Variants in ATAD3A observed in about 807,000 individuals in gnomAD.
ATAD3A encodes ATPase family AAA domain-containing protein 3A.
In ATAD3A, 46 loss-of-function variants were observed where a neutral mutation model predicts 73.8. That is an observed-to-expected ratio of 0.62 (90% CI 0.49 to 0.80). The LOEUF is 0.80. Among genes scored for constraint, ATAD3A ranks in the 30% least tolerant of loss-of-function variants. ATAD3A has a pLI of 0.00. For missense variants in ATAD3A, 705 were observed against 838.0 expected, an observed-to-expected ratio of 0.84 and a Z score of 1.96; for synonymous variants, 319 against 350.0, an observed-to-expected ratio of 0.91 and a Z score of 0.99.
rs531375402 is a variant in ATAD3A at position 1,523,164 on chromosome 1, G to A, written c.906+265G>A. On this transcript the variant is annotated intron_variant, in intron 8 of 15. Coordinates refer to ENST00000378756, the MANE Select transcript of ATAD3A (RefSeq NM_001170535.3). The surrounding 1 kb of genome is among the most constrained non-coding windows in gnomAD (Gnocchi z 5.1). ...GCACATCGGGGTCCTTGCAAGACCC[G>A]GGACTTGGGTGTGCGGCCGTCTATC... Among the ~76,000 whole-genome samples, 111 of 152,084 alleles carry A rather than the reference G, an allele frequency of 7.3e-4. No homozygotes were observed. Among genetic ancestry groups the A allele is most frequent in the African/African-American group, 2.4e-3 (99 of 41,398 alleles).
intron 4 of ATAD3A, 97 bp from the exon 5 acceptor site, chr1:1,518,824 T>A: frequency 6.3e-7 from 1 of 1,586,042 alleles, no homozygotes; most frequent in East Asian, 2.3e-5. Flanking sequence ...ACGGGCACAC[T>A]CACCCCCCTG....
intron 12 of ATAD3A, among the ~76,000 whole-genome samples, 156 bp downstream of exon 12, chr1:1,525,447 C>G (rs895227594): frequency 1.4e-5 from 2 of 147,892 alleles, no homozygotes; most frequent in Admixed American, 1.4e-4. Context: ...AGAAATCTCG[C>G]TCTATCACCC....
intron 1 of ATAD3A, among the ~76,000 whole-genome samples, chr1:1,513,567 G>A (rs1641265976): frequency 6.6e-6 from 1 of 152,066 alleles, no homozygotes; most frequent in Admixed American, 6.5e-5. Flanking sequence ...GGTGCACCGT[G>A]GGGAGCCCTC....
intron 15 of ATAD3A, among the ~76,000 whole-genome samples, chr1:1,531,784 A>T (rs1642043421): frequency 6.6e-6 from 1 of 151,044 alleles, no homozygotes; most frequent in Admixed American, 6.6e-5. Flanking sequence ...TCTCAAAAAT[A>T]AAAAAATAAA....
intron 14 of ATAD3A, 95 bp downstream of exon 14, chr1:1,527,957 C>G: frequency 8.2e-7 from 1 of 1,214,490 alleles, no homozygotes; most frequent in Non-Finnish European, 1.1e-6. Context: ...CTTTAACATT[C>G]CTTTTTTTTT....
chr1:1,529,112 C>A, intron 14 of ATAD3A, 111 bp from the exon 15 acceptor site: 3 of 1,500,238 alleles, frequency 2.0e-6, no homozygotes, highest in Non-Finnish European at 1.8e-6. Context: ...GAGAGCCCCT[C>A]CAAAGAGGAT....
At chr1:1,528,271 A>G (rs1158545156) in intron 14 of ATAD3A, among the ~76,000 whole-genome samples, 1 of 152,040 alleles carries the variant, frequency 6.6e-6, no homozygotes, top group African/African-American at 2.4e-5. Flanking sequence ...CGTCTTTTCC[A>G]TTCCTCTTCA....
intron 12 of ATAD3A, among the ~76,000 whole-genome samples, chr1:1,525,796 C>T (rs1386329965): frequency 6.6e-6 from 1 of 152,190 alleles, no homozygotes; most frequent in African/African-American, 2.4e-5. Flanking sequence ...GCCTCGACCT[C>T]TGGAGCTCAA....
At chr1:1,518,820 ACACT>A in intron 4 of ATAD3A, 97 bp from the exon 5 acceptor site, 1 of 1,591,230 alleles carries the variant, frequency 6.3e-7, no homozygotes, top group South Asian at 1.1e-5. Context: ...GCAAACGGGC[ACACT>A]CACCCCCCTG....
chr1:1,529,191 T>G, intron 14 of ATAD3A, 32 bp from the exon 15 acceptor site: 1 of 1,605,234 alleles, frequency 6.2e-7, no homozygotes, highest in Non-Finnish European at 8.5e-7. Flanking sequence ...AGCTGCTGCC[T>G]TGGCCGGCCC....
chr1:1,517,159 G>A lies in ATAD3A; in HGVS notation c.283-152G>A, dbSNP rs1461063615. ...CTGGATTCCTCCAGGGCCTGATCCT[G>A]GGTGCAGATGCGGCTGGAAGCCCTG... On this transcript the variant is annotated intron_variant, in intron 2 of 15. Coordinates refer to ENST00000378756, the MANE Select transcript of ATAD3A (RefSeq NM_001170535.3). 15 of 1,549,024 alleles carry A rather than the reference G, an allele frequency of 9.7e-6. No homozygotes were observed. The East Asian group carries it at 1.2e-4, about 13-fold the overall frequency.
intron 1 of ATAD3A, among the ~76,000 whole-genome samples, chr1:1,515,511 G>A (rs989815255): frequency 1.3e-5 from 2 of 152,202 alleles, no homozygotes; most frequent in African/African-American, 4.8e-5. Context: ...ACCTGTGTCA[G>A]TTCCCCTCTA....
chr1:1,513,664 G>A (rs1641267988), intron 1 of ATAD3A, among the ~76,000 whole-genome samples: 1 of 152,058 alleles, frequency 6.6e-6, no homozygotes, highest in African/African-American at 2.4e-5. Context: ...CTCACTGCTG[G>A]CAGGTGAGAG....
chr1:1,516,806 C>T (rs1557457494), intron 2 of ATAD3A, among the ~76,000 whole-genome samples: 1 of 152,002 alleles, frequency 6.6e-6, no homozygotes, highest in Admixed American at 6.6e-5. Flanking sequence ...CAACCTCTAC[C>T]TCCCGGGTTC....
chr1:1,527,615 G>C, intron 13 of ATAD3A, 80 bp from the exon 14 acceptor site: 6 of 1,494,782 alleles, frequency 4.0e-6, no homozygotes, highest in Non-Finnish European at 5.4e-6. Context: ...TTCTCCCTGT[G>C]GGGGCTGAGG....
At chr1:1,521,256 G>A (rs892519028) in intron 7 of ATAD3A, among the ~76,000 whole-genome samples, 2 of 119,374 alleles carry the variant, frequency 1.7e-5, no homozygotes, top group Non-Finnish European at 3.2e-5. Context: ...TCGAGATCAC[G>A]CTACTGCACT....
rs193109456 is a variant in ATAD3A, at chr1:1,520,463, T to C, written c.681-85T>C. 0.012 allele frequency: 19,224 copies of C among 1,610,712 alleles called. 154 individuals carry two copies. The highest frequency in any genetic ancestry group is 0.014 in the Non-Finnish European group (16,075 of 1,177,290). On this transcript the variant is annotated intron_variant, in intron 6 of 15. Coordinates refer to ENST00000378756, the MANE Select transcript of ATAD3A (RefSeq NM_001170535.3). This position sits in a 1 kb window ranked among gnomAD's most constrained non-coding sequence, Gnocchi z 4.0. ...CTGTCCTGGCAAGGCCGTGCCGCCA[T>C]GTCAGGGCCTCACCCTCAACCTGCT...
chr1:1,516,912 A>T (rs1641376625), intron 2 of ATAD3A, among the ~76,000 whole-genome samples: 1 of 151,888 alleles, frequency 6.6e-6, no homozygotes, highest in Admixed American at 6.6e-5. Flanking sequence ...GGGTTTCACC[A>T]TGTTGTTCAG....
Position 1,533,961 on chromosome 1 carries a change from C to T in ATAD3A, c.1650C>T (p.Thr550=), listed in dbSNP as rs141883472. 7.3e-4 allele frequency: 1,172 copies of T among 1,613,366 alleles called. 3 individuals carry two copies. Among genetic ancestry groups the T allele is most frequent in the African/African-American group, 6.9e-3 (517 of 74,940 alleles). ...ATGCCTCCGAGGACGGGGTCCTGAC[C>T]GAGGCCATGATGGACACCCGCGTGC... is the stretch of plus-strand genomic sequence containing the variant. The part of the protein sequence containing the change: ...TAYASEDGVL[T]EAMMDTRVQD... Residue 550 remains threonine, a synonymous_variant, in exon 16 of 16, where the codon ACC becomes ACT. Coordinates refer to ENST00000378756, the MANE Select transcript of ATAD3A (RefSeq NM_001170535.3).
Sources: allele counts gnomAD v4.1 joint callset (sites outside exome capture counted in the v4.1 genomes callset), GRCh38; gene constraint gnomAD v4.1.1; non-coding constraint Gnocchi (gnomAD v3.1); transcripts MANE v1.5; gene names NCBI Gene and HGNC (gene_info 2026-07-23, HGNC 2026-07-21).